The following ARHGAP42 variants were observed in gnomAD, a reference collection of about 807,000 sequenced individuals.
The protein encoded by ARHGAP42 is rho GTPase-activating protein 42.
A neutral mutation model predicts 125.0 loss-of-function variants in ARHGAP42; 63 were observed. The observed-to-expected ratio is 0.50, with a 90% CI of 0.41 to 0.62. The LOEUF (loss-of-function observed/expected upper bound fraction) is 0.62. Among genes scored for constraint, ARHGAP42 ranks in the 20% least tolerant of loss-of-function variants. ARHGAP42 has a pLI of 0.00. For missense variants in ARHGAP42, 766 were observed against 1,024.2 expected (o/e 0.75, Z 3.44); for synonymous variants, 339 against 351.0 (o/e 0.97, Z 0.38).
chr11:100,918,802 A>G (rs1374216120), intron 5 of ARHGAP42, among the ~76,000 whole-genome samples: 1 of 152,162 alleles, frequency 6.6e-6, no homozygotes, highest in African/African-American at 2.4e-5. Context: ...AAACACCTAT[A>G]AGTGGCAAGC....
chr11:100,715,670 T>C (rs1404240284), intron 1 of ARHGAP42, among the ~76,000 whole-genome samples: 1 of 152,146 alleles, frequency 6.6e-6, no homozygotes, highest in Non-Finnish European at 1.5e-5. Context: ...GGCTTTAGAG[T>C]CCTCCTCTGA....
At chr11:100,795,232 C>A in intron 3 of ARHGAP42, 66 bp downstream of exon 3, 2 of 1,220,474 alleles carry the variant, frequency 1.6e-6, no homozygotes, top group Non-Finnish European at 2.3e-6. Flanking sequence ...AAAGAATGGA[C>A]TTCCTGAACT....
intron 6 of ARHGAP42, among the ~76,000 whole-genome samples, chr11:100,928,780 A>G (rs2135254571): frequency 6.6e-6 from 1 of 152,198 alleles, no homozygotes; most frequent in South Asian, 2.1e-4. Context: ...ATACCCCACA[A>G]CCATTAATAC....
At chr11:100,837,392 G>C (rs35243932) in intron 3 of ARHGAP42, among the ~76,000 whole-genome samples, 42,105 of 151,754 alleles carry the variant, frequency 0.28, 6,457 homozygotes, top group South Asian at 0.48. Flanking sequence ...ATCTGGAATG[G>C]TTTTGTTGTC....
At chr11:100,857,120 T>C (rs1865339456) in intron 3 of ARHGAP42, among the ~76,000 whole-genome samples, 1 of 152,230 alleles carries the variant, frequency 6.6e-6, no homozygotes, top group Admixed American at 6.6e-5. Context: ...CTGTTCTTCT[T>C]TATCACAGTG....
Position 100,992,295 on chromosome 11 carries a change from T to G in ARHGAP42, c.*3494T>G. 6.4e-7 allele frequency: 1 copy of G among 1,569,288 alleles called. No individual in the cohort carries two copies. The highest frequency in any genetic ancestry group is 8.6e-7 in the Non-Finnish European group (1 of 1,161,948). On this transcript the variant is annotated 3_prime_UTR_variant, in exon 24 of 24. Transcript: ENST00000298815. The stretch of plus-strand genomic sequence containing the variant: ...TTTGCTTTTATGATACATTTGTAAC[T>G]CACAGCTGTTAGCATGACCTCACAT...
At chr11:100,717,742 A>G (rs1565539772) in intron 1 of ARHGAP42, among the ~76,000 whole-genome samples, 1 of 151,768 alleles carries the variant, frequency 6.6e-6, no homozygotes, top group Non-Finnish European at 1.5e-5. Flanking sequence ...CCTGGCCAAC[A>G]TGGTGAAACC....
At chr11:100,747,360 C>A (rs1479903642) in intron 1 of ARHGAP42, among the ~76,000 whole-genome samples, 1 of 152,124 alleles carries the variant, frequency 6.6e-6, no homozygotes, top group African/African-American at 2.4e-5. Flanking sequence ...CTAAATTTCA[C>A]CTTTATATTA....
intron 3 of ARHGAP42, chr11:100,816,591 A>G (rs1279994746): frequency 6.6e-6 from 1 of 152,262 alleles, no homozygotes; most frequent in Non-Finnish European, 1.5e-5. Flanking sequence ...AATGATGATC[A>G]TTGTGTAAAC....
intron 1 of ARHGAP42, among the ~76,000 whole-genome samples, chr11:100,737,137 A>C (rs1039409222): frequency 2.0e-5 from 3 of 152,258 alleles, no homozygotes; most frequent in African/African-American, 7.2e-5. Flanking sequence ...ATTTGTGAAC[A>C]AGTGGAAAAC....
intron 1 of ARHGAP42, among the ~76,000 whole-genome samples, chr11:100,737,826 G>T (rs940197006): frequency 6.6e-6 from 1 of 152,174 alleles, no homozygotes; most frequent in Non-Finnish European, 1.5e-5. Context: ...GCTGGGAGAG[G>T]ACTTAAAAGG....
At chr11:100,816,276 C>G (rs1017021895) in intron 3 of ARHGAP42, among the ~76,000 whole-genome samples, 4 of 152,112 alleles carry the variant, frequency 2.6e-5, no homozygotes, top group African/African-American at 9.7e-5. Context: ...TAACAGAGCA[C>G]AAGTATTCCA....
intron 1 of ARHGAP42, among the ~76,000 whole-genome samples, chr11:100,716,498 T>A (rs1005772867): frequency 7.2e-5 from 11 of 152,192 alleles, no homozygotes; most frequent in African/African-American, 2.7e-4. Flanking sequence ...AGTTAGTAAA[T>A]TTACTGATTG....
At chr11:100,892,508 G>T (rs778892257) in intron 4 of ARHGAP42, among the ~76,000 whole-genome samples, 6 of 151,964 alleles carry the variant, frequency 3.9e-5, no homozygotes, top group Non-Finnish European at 7.4e-5. Flanking sequence ...GTAAAATCTG[G>T]TGGGTTAGGT....
chr11:100,946,435 A>G (rs927945624), intron 10 of ARHGAP42, among the ~76,000 whole-genome samples: 10 of 152,064 alleles, frequency 6.6e-5, no homozygotes, highest in South Asian at 2.1e-4. Flanking sequence ...TTTTTAGGCT[A>G]TCTTGGGTTT....
At chr11:100,898,271 A>T (rs1866418640) in intron 4 of ARHGAP42, among the ~76,000 whole-genome samples, 1 of 152,122 alleles carries the variant, frequency 6.6e-6, no homozygotes, top group African/African-American at 2.4e-5. Flanking sequence ...TTTTACGTCG[A>T]TGTTCATCAG....
intron 2 of ARHGAP42, among the ~76,000 whole-genome samples, chr11:100,776,547 CAGTT>C (rs1213878041): frequency 1.3e-5 from 2 of 152,166 alleles, no homozygotes; most frequent in Non-Finnish European, 2.9e-5. Flanking sequence ...ATGAGTCAGT[CAGTT>C]AGGTAGTTTG....
At position 100,974,530 on chromosome 11, in the gene ARHGAP42, A is replaced by G. The variant is rs1255885555; in HGVS notation, c.1782A>G (p.Thr594=). The G allele has an allele frequency of 5.8e-6, 9 of 1,551,002 alleles. No homozygotes were observed. The Admixed American group carries it at 1.2e-4, about 20-fold the overall frequency. The change falls in exon 19 of 24, where the codon ACA becomes ACG. Residue 594 remains threonine, a synonymous_variant. Transcript: ENST00000298815. The stretch of plus-strand genomic sequence containing the variant: ...AGTCTCGATCTGGATCCCGAAGGAC[A>G]CGAGCAATCTGCCTCTCTACAGGGT... The part of the protein sequence containing the change: ...QPQSRSGSRR[T]RAICLSTGSR...
chr11:100,740,801 G>T (rs1313172741), intron 1 of ARHGAP42, among the ~76,000 whole-genome samples: 1 of 152,140 alleles, frequency 6.6e-6, no homozygotes, highest in Non-Finnish European at 1.5e-5. Context: ...TTGGCACAGG[G>T]TTGATGAAGC....
Sources: gnomAD v4.1 joint callset for allele counts (sites outside exome capture counted in the v4.1 genomes callset) on GRCh38, gnomAD v4.1.1 for gene constraint, MANE v1.5 for transcripts, NCBI Gene and HGNC (gene_info 2026-07-23, HGNC 2026-07-21) for gene names.